CMIP: variants seen among roughly 807,000 people sequenced by gnomAD.
CMIP encodes c-Maf inducing protein, also known as C-Maf-inducing protein.
Under a neutral mutation model 97.3 loss-of-function variants are expected in CMIP, and 13 were observed. The ratio of observed to expected loss-of-function variants is 0.13; its 90% CI spans 0.09 to 0.21. CMIP has a LOEUF of 0.21. Ranked by LOEUF, CMIP falls within the 10% of genes least tolerant of loss-of-function variation. CMIP has a pLI of 1.00. For missense variants in CMIP, 847 were observed against 1,024.9 expected, an observed-to-expected ratio of 0.83 and a Z score of 2.37; for synonymous variants, 538 against 436.3, an observed-to-expected ratio of 1.23 and a Z score of -2.91.
rs1056855434 is a variant in CMIP at position 81,627,350 on chromosome 16, C to T, written c.477+6424C>T. On this transcript the variant is annotated intron_variant, in intron 3 of 20. Transcript: ENST00000537098. The surrounding 1 kb of genome is among the most constrained non-coding windows in gnomAD (Gnocchi z 4.6). The stretch of plus-strand genomic sequence containing the variant: ...ATGATCATGGCGTCTCGTCACTGGG[C>T]CGTGTGAGGATCGAAGGCTGTGTTG... Among the ~76,000 whole-genome samples, 7 of 151,936 alleles carry T rather than the reference C, an allele frequency of 4.6e-5. No homozygotes were observed. Among genetic ancestry groups the T allele is most frequent in the Non-Finnish European group, 1.0e-4 (7 of 67,978 alleles).
chr16:81,658,150 G>C (rs958633887), intron 5 of CMIP, among the ~76,000 whole-genome samples: 7 of 152,226 alleles, frequency 4.6e-5, no homozygotes, highest in African/African-American at 1.7e-4. Flanking sequence ...CCCATTAGCT[G>C]AAAGGTAAAC....
chr16:81,669,436 C>T (rs2092656113), intron 7 of CMIP, among the ~76,000 whole-genome samples: 1 of 126,866 alleles, frequency 7.9e-6, no homozygotes, highest in Non-Finnish European at 1.7e-5. Flanking sequence ...CCTTCCACAC[C>T]CCTCTCACCT....
chr16:81,476,474 G>T (rs1404416910), intron 1 of CMIP: 8 of 779,318 alleles, frequency 1.0e-5, no homozygotes, highest in Non-Finnish European at 1.8e-5. Context: ...CGGCCCAAGG[G>T]CTCGCCGTTG....
chr16:81,530,602 T>G (rs2090214421), intron 1 of CMIP, among the ~76,000 whole-genome samples: 1 of 152,084 alleles, frequency 6.6e-6, no homozygotes, highest in Non-Finnish European at 1.5e-5. Context: ...TTATTCAGCT[T>G]TCCTCACCGC....
chr16:81,550,507 C>T (rs12446363), intron 1 of CMIP, among the ~76,000 whole-genome samples: 128,854 of 152,170 alleles, frequency 0.85, 54,661 homozygotes, highest in East Asian at 0.89. Context: ...CTTGGCAGCA[C>T]TGGGCAGGAT....
chr16:81,528,841 A>C (rs2090179718), intron 1 of CMIP, among the ~76,000 whole-genome samples: 2 of 151,892 alleles, frequency 1.3e-5, no homozygotes, highest in Admixed American at 6.6e-5. Flanking sequence ...CCTTGCTTTC[A>C]CTCAACAAAT....
At chr16:81,568,048 T>G (rs1253143501) in intron 1 of CMIP, among the ~76,000 whole-genome samples, 6 of 149,782 alleles carry the variant, frequency 4.0e-5, no homozygotes, top group South Asian at 4.2e-4. Flanking sequence ...TGTTTTTTTT[T>G]TTTTTTTTTT....
chr16:81,456,403 T>A (rs111732582), intron 1 of CMIP, among the ~76,000 whole-genome samples: 2 of 152,180 alleles, frequency 1.3e-5, no homozygotes, highest in Non-Finnish European at 2.9e-5. Context: ...CCAGAGCCAG[T>A]GGCCTCCAGA....
intron 12 of CMIP, 36 bp from the exon 13 acceptor site, chr16:81,693,403 C>G (rs929309127): frequency 1.2e-6 from 2 of 1,601,216 alleles, no homozygotes; most frequent in South Asian, 1.1e-5. Context: ...CAGTTCCAGA[C>G]CCCGGCAGTA....
chr16:81,593,097 C>T (rs2091490990), intron 1 of CMIP, among the ~76,000 whole-genome samples: 1 of 152,182 alleles, frequency 6.6e-6, no homozygotes, highest in African/African-American at 2.4e-5. Flanking sequence ...AAACCTTGAG[C>T]CATGTGGCCA....
At chr16:81,462,514 A>C (rs1227387517) in intron 1 of CMIP, among the ~76,000 whole-genome samples, 8 of 152,136 alleles carry the variant, frequency 5.3e-5, no homozygotes, top group Admixed American at 5.2e-4. Flanking sequence ...TAAAAAAAAA[A>C]ATGTTTCATT....
At chr16:81,584,520 C>G (rs531981344) in intron 1 of CMIP, among the ~76,000 whole-genome samples, 14 of 152,144 alleles carry the variant, frequency 9.2e-5, no homozygotes, top group African/African-American at 3.4e-4. Flanking sequence ...TCAGAATGAC[C>G]CTGTTTTTAC....
chr16:81,537,981 C>T (rs546207727), intron 1 of CMIP, among the ~76,000 whole-genome samples: 6 of 152,358 alleles, frequency 3.9e-5, no homozygotes, highest in South Asian at 4.1e-4. Flanking sequence ...CCCGGCATTC[C>T]GGACAGAACA....
intron 2 of CMIP, among the ~76,000 whole-genome samples, chr16:81,618,212 C>T (rs35191179): frequency 0.3 from 46,035 of 152,064 alleles, 8,310 homozygotes; most frequent in Non-Finnish European, 0.4. Flanking sequence ...GGGGCTAAAA[C>T]GAAGGTGTCA....
At chr16:81,462,857 C>T (rs1427686263) in intron 1 of CMIP, among the ~76,000 whole-genome samples, 3 of 152,192 alleles carry the variant, frequency 2.0e-5, no homozygotes, top group African/African-American at 7.2e-5. Flanking sequence ...TCAGTGTGAC[C>T]TTGGGCTGCC....
chr16:81,473,725 C>G (rs551151469), intron 1 of CMIP, among the ~76,000 whole-genome samples: 2 of 151,740 alleles, frequency 1.3e-5, no homozygotes, highest in African/African-American at 4.8e-5. Context: ...CGCGGGGACG[C>G]AGGGACGCAT....
At chr16:81,670,650 T>A (rs957272446) in intron 8 of CMIP, among the ~76,000 whole-genome samples, 1 of 150,794 alleles carries the variant, frequency 6.6e-6, no homozygotes. Context: ...GCTTTTGCTT[T>A]GTTTAATTTT....
At chr16:81,577,596 C>T (rs575822984) in intron 1 of CMIP, among the ~76,000 whole-genome samples, 1 of 143,042 alleles carries the variant, frequency 7.0e-6, no homozygotes, top group Admixed American at 7.0e-5. Flanking sequence ...CACCATCATC[C>T]CCATTACCAC....
chr16:81,503,278 G>A (rs902887718), intron 1 of CMIP, among the ~76,000 whole-genome samples: 1 of 152,326 alleles, frequency 6.6e-6, no homozygotes, highest in Non-Finnish European at 1.5e-5. Context: ...TGGCTCTGCT[G>A]TGTGACAGCC....
Sources: allele counts gnomAD v4.1 joint callset (sites outside exome capture counted in the v4.1 genomes callset), GRCh38; gene constraint gnomAD v4.1.1; non-coding constraint Gnocchi (gnomAD v3.1); transcripts MANE v1.5; gene names NCBI Gene and HGNC (gene_info 2026-07-23, HGNC 2026-07-21).